The following SHLD2 variants were observed in gnomAD, a reference collection of about 807,000 sequenced individuals.
SHLD2 encodes RINN1-REV7-interacting novel NHEJ regulator 2.
SHLD2 carries 30 observed loss-of-function variants against 73.2 expected under a neutral mutation model. The observed-to-expected ratio is 0.41, with a 90% CI of 0.31 to 0.56. SHLD2 has a LOEUF of 0.56. Ranked by LOEUF, SHLD2 falls within the 20% of genes least tolerant of loss-of-function variation. The pLI, the probability that SHLD2 is intolerant of heterozygous loss-of-function variation, is 0.28. For synonymous variants in SHLD2, 285 were observed against 370.1 expected (o/e 0.77, Z 2.64); for missense variants, 745 against 1,055.9 (o/e 0.71, Z 4.08).
chr10:87,184,540 C>T (rs568954985), intron 8 of SHLD2, among the ~76,000 whole-genome samples: 3 of 152,082 alleles, frequency 2.0e-5, no homozygotes, highest in Non-Finnish European at 4.4e-5. Context: ...CTTGGTGGGG[C>T]TCCTCCTGGC....
intron 8 of SHLD2, among the ~76,000 whole-genome samples, chr10:87,183,363 G>A (rs1270474916): frequency 6.6e-6 from 1 of 152,162 alleles, no homozygotes; most frequent in African/African-American, 2.4e-5. Flanking sequence ...TGCAAGAGAA[G>A]TCTGGGCTAG....
chr10:87,176,022 A>G lies in SHLD2; in HGVS notation c.2097A>G (p.Ala699=), dbSNP rs1847931208. The change falls in exon 7 of 10, where the codon GCA becomes GCG. Residue 699 remains alanine (A), a synonymous_variant. Coordinates refer to ENST00000298786, the MANE Select transcript of SHLD2 (RefSeq NM_001330112.2). ...ATATAAGGGCAATTACATTTAAAGCAAAATTTCAAAAAAGTGCACCCTCCT... is the reference window on the plus strand; with the variant it reads ...ATATAAGGGCAATTACATTTAAAGCGAAATTTCAAAAAAGTGCACCCTCCT... ...DDDIRAITFK[A]KFQKSAPSFV... is the part of the protein sequence containing the mutation. 3 of 1,548,558 alleles carry G rather than the reference A, an allele frequency of 1.9e-6. No individual in the cohort carries two copies. Among genetic ancestry groups the G allele is most frequent in the Non-Finnish European group, 2.6e-6 (3 of 1,146,832 alleles).
At chr10:87,128,579 A>G (rs1844204555) in intron 2 of SHLD2, among the ~76,000 whole-genome samples, 1 of 152,160 alleles carries the variant, frequency 6.6e-6, no homozygotes, top group African/African-American at 2.4e-5. Flanking sequence ...ATGTTTTTTG[A>G]AAACACTTTA....
At chr10:87,153,020 C>A (rs1846126361) in intron 3 of SHLD2, 141 bp downstream of exon 3, 5 of 796,286 alleles carry the variant, frequency 6.3e-6, no homozygotes, top group Middle Eastern at 3.8e-4. Context: ...TTTATCGCAT[C>A]TGCATTGTTC....
intron 2 of SHLD2, chr10:87,113,857 C>T (rs974179821): frequency 6.6e-6 from 1 of 151,962 alleles, no homozygotes; most frequent in African/African-American, 2.4e-5. Context: ...AAAACAAAAA[C>T]TGGCTGGGCG....
intron 1 of SHLD2, 65 bp from the exon 2 acceptor site, chr10:87,096,868 CT>C (rs1841934892): frequency 6.6e-6 from 1 of 152,174 alleles, no homozygotes; most frequent in Non-Finnish European, 1.5e-5. Flanking sequence ...ACAGGTGGAA[CT>C]TATATTTTAC....
intron 2 of SHLD2, among the ~76,000 whole-genome samples, chr10:87,112,160 C>T (rs1413409851): frequency 1.3e-5 from 2 of 149,556 alleles, no homozygotes; most frequent in Non-Finnish European, 3.0e-5. Flanking sequence ...ATGGTTTGAA[C>T]CCAGGAGGCT....
At chr10:87,146,052 C>CAGT (rs949440224) in intron 2 of SHLD2, among the ~76,000 whole-genome samples, 3 of 152,118 alleles carry the variant, frequency 2.0e-5, no homozygotes, top group African/African-American at 7.2e-5. Flanking sequence ...TATTTAGTAG[C>CAGT]AGTAGCCTTT....
In SHLD2 at chr10:87,177,609, G is replaced by A. The variant is rs188809672; in HGVS notation, c.2170+1514G>A. On this transcript the variant is annotated intron_variant, in intron 7 of 9. Transcript: ENST00000298786. ...TGTGTTTTTAAGACAAAAATGGGGA[G>A]AGAATATGAAAACACAAGGAACTTT... Among the ~76,000 whole-genome samples the A allele has an allele frequency of 2.4e-3, 363 of 152,316 alleles. 4 individuals carry two copies. The highest frequency in any genetic ancestry group is 3.7e-4 in the Non-Finnish European group (25 of 68,040).
At chr10:87,101,420 G>T (rs1219875604) in intron 2 of SHLD2, among the ~76,000 whole-genome samples, 2 of 152,268 alleles carry the variant, frequency 1.3e-5, no homozygotes, top group Admixed American at 1.3e-4. Flanking sequence ...TGATGCAATT[G>T]TAAGTAGAAA....
chr10:87,185,398 A>C (rs1369002202), intron 8 of SHLD2, among the ~76,000 whole-genome samples: 1 of 152,032 alleles, frequency 6.6e-6, no homozygotes, highest in Admixed American at 6.6e-5. Flanking sequence ...TTTTGTGTGG[A>C]TATGTGTGTT....
chr10:87,127,902 G>A (rs1054813994), intron 2 of SHLD2, among the ~76,000 whole-genome samples: 12 of 151,962 alleles, frequency 7.9e-5, no homozygotes, highest in African/African-American at 2.7e-4. Context: ...TTATGATGTC[G>A]TGCAAGTAAT....
chr10:87,177,213 T>G (rs1247602187), intron 7 of SHLD2, among the ~76,000 whole-genome samples: 1 of 152,144 alleles, frequency 6.6e-6, no homozygotes. Context: ...CAGAGACGTT[T>G]AGTTTGGTGC....
intron 7 of SHLD2, 52 bp from the exon 8 acceptor site, chr10:87,180,023 A>C: frequency 1.5e-6 from 2 of 1,352,304 alleles, no homozygotes; most frequent in Non-Finnish European, 1.1e-6. Flanking sequence ...TTGTAAATTA[A>C]AGTTATAATT....
At chr10:87,123,087 A>AT (rs1190908311) in intron 2 of SHLD2, among the ~76,000 whole-genome samples, 1 of 151,940 alleles carries the variant, frequency 6.6e-6, no homozygotes, top group Non-Finnish European at 1.5e-5. Context: ...TTTTTTTGGT[A>AT]TTTTTAGTAG....
At position 87,167,502 on chromosome 10, in the gene SHLD2, A is replaced by G. The variant is rs7075301; in HGVS notation, c.1634-2976A>G. Reference sequence around the variant, plus strand: ...TTACCAATTTGGTTTTGATTTTGCAAGTGGTTACAACTCATGAGAGGATTC... The same window carrying G: ...TTACCAATTTGGTTTTGATTTTGCAGGTGGTTACAACTCATGAGAGGATTC... On this transcript the variant is annotated intron_variant, in intron 4 of 9. Coordinates refer to ENST00000298786, the MANE Select transcript of SHLD2 (RefSeq NM_001330112.2). 5.9e-3 allele frequency among the ~76,000 whole-genome samples: 903 copies of G among 152,300 alleles called. 12 individuals carry two copies. The highest frequency in any genetic ancestry group is 0.021 in the African/African-American group (859 of 41,568).
chr10:87,151,487 C>T lies in SHLD2; in HGVS notation c.133C>T (p.Gln45Ter), dbSNP rs770570795. The T allele has an allele frequency of 4.3e-6, 7 of 1,610,832 alleles. No homozygotes were observed. The highest frequency in any genetic ancestry group is 5.1e-6 in the Non-Finnish European group (6 of 1,179,408). Residue 45 changes from glutamine (Q) to a stop codon, truncating the protein, a stop_gained, in exon 3 of 10, where the codon CAA becomes TAA. Coordinates refer to ENST00000298786, the MANE Select transcript of SHLD2 (RefSeq NM_001330112.2). LOFTEE classifies it high-confidence loss of function. ...GAAAAAAATTCAGCTTTTATACAGT[C>T]AACATTCTTTATATCTGAAGGATGA... is the stretch of plus-strand genomic sequence containing the variant. ...PWKKIQLLYS[Q>*]HSLYLKDEKQ...
intron 2 of SHLD2, among the ~76,000 whole-genome samples, chr10:87,146,248 G>A (rs971108207): frequency 2.0e-5 from 3 of 152,120 alleles, no homozygotes; most frequent in Non-Finnish European, 2.9e-5. Flanking sequence ...GGCTTTAAAT[G>A]CAACCCAACA....
chr10:87,120,380 T>C (rs935911642), intron 2 of SHLD2, among the ~76,000 whole-genome samples: 10 of 152,008 alleles, frequency 6.6e-5, no homozygotes, highest in African/African-American at 2.4e-4. Flanking sequence ...CCCGAGTAGC[T>C]GGGAATACAG....
Sources: allele counts gnomAD v4.1 joint callset (sites outside exome capture counted in the v4.1 genomes callset), GRCh38; gene constraint gnomAD v4.1.1; transcripts MANE v1.5; gene names NCBI Gene and HGNC (gene_info 2026-07-23, HGNC 2026-07-21).